Variants in GFI1B observed in about 807,000 individuals in gnomAD.
The protein encoded by GFI1B is zinc finger protein Gfi-1b.
GFI1B carries 20 observed loss-of-function variants against 35.3 expected under a neutral mutation model. That is an observed-to-expected ratio of 0.57 (90% CI 0.40 to 0.82). The LOEUF (loss-of-function observed/expected upper bound fraction) is 0.82, where lower values mean the gene tolerates loss of function less well. GFI1B is among the 40% of genes least tolerant of loss of function. GFI1B has a pLI of 0.00. For missense variants in GFI1B, 430 were observed against 446.3 expected (o/e 0.96, Z 0.33); for synonymous variants, 178 against 177.6 (o/e 1.00, Z -0.02).
intron 1 of GFI1B, among the ~76,000 whole-genome samples, chr9:132,956,725 A>G (rs542590297): frequency 5.9e-5 from 9 of 152,346 alleles, no homozygotes; most frequent in African/African-American, 1.7e-4. Context: ...GTTATTAGAA[A>G]CATAGAATTG....
At chr9:132,984,385 C>A (rs1264547074) in intron 1 of GFI1B, among the ~76,000 whole-genome samples, 3 of 152,118 alleles carry the variant, frequency 2.0e-5, no homozygotes, top group Non-Finnish European at 4.4e-5. Context: ...GAGATAAGGC[C>A]GTGGGCTGCC....
chr9:132,987,232 G>A (rs763482866), intron 2 of GFI1B, 50 bp from the exon 3 acceptor site: 17 of 1,597,326 alleles, frequency 1.1e-5, no homozygotes, highest in Admixed American at 7.0e-5. Flanking sequence ...CTCCCTCTGG[G>A]CTTCCCAGAA....
intron 1 of GFI1B, among the ~76,000 whole-genome samples, chr9:132,971,644 G>C (rs1027390999): frequency 6.6e-6 from 1 of 152,158 alleles, no homozygotes; most frequent in Non-Finnish European, 1.5e-5. Context: ...GACAGAAGGA[G>C]AGACAGAGAA....
At chr9:132,975,616 A>G (rs1002727909), upstream of GFI1B, among the ~76,000 whole-genome samples, 3 of 152,192 alleles carry the variant, frequency 2.0e-5, no homozygotes, top group South Asian at 6.2e-4. Flanking sequence ...AGGAATATGA[A>G]AAGTCCGGCT....
chr9:132,961,448 G>T (rs1006252406), intron 1 of GFI1B, among the ~76,000 whole-genome samples: 1 of 151,064 alleles, frequency 6.6e-6, no homozygotes, highest in African/African-American at 2.4e-5. Context: ...CAGAAAAAAG[G>T]CATAAATGGA....
Position 132,967,492 on chromosome 9 carries a change from C to A in GFI1B, c.-700-5233C>A, listed in dbSNP as rs182004198. Among the ~76,000 whole-genome samples the A allele has an allele frequency of 5.9e-5, 9 of 152,258 alleles. No homozygotes were observed. The East Asian group carries it at 1.7e-3, about 29-fold the overall frequency. On this transcript the variant is annotated intron_variant, in intron 1 of 10. Transcript: ENST00000339463. ...TAAAGGAAGCTAAAGACATAATACA[C>A]TCATGCAATGCTTGCAACTTGTCTG...
At chr9:132,983,685 G>A (rs1848917404) in intron 1 of GFI1B, among the ~76,000 whole-genome samples, 1 of 152,128 alleles carries the variant, frequency 6.6e-6, no homozygotes, top group African/African-American at 2.4e-5. Flanking sequence ...CCTGCAACCT[G>A]GGAAGACACT....
At chr9:132,951,683 A>G (rs1848205238) in intron 1 of GFI1B, 1 of 152,222 alleles carries the variant, frequency 6.6e-6, no homozygotes, top group Admixed American at 6.5e-5. Flanking sequence ...TCATAGCTGA[A>G]GGCTCTCTCT....
At position 132,989,199 on chromosome 9, in the gene GFI1B, G is replaced by A; in HGVS notation, c.648+1G>A. ...GCAGCACACGCACGTCCACTCCCAG[G>A]TGGGCACCTGGCCCAGCGCAGGACT... is the stretch of plus-strand genomic sequence containing the variant. On this transcript the variant is annotated splice_donor_variant, in intron 5 of 6. Transcript: ENST00000372122. LOFTEE classifies it high-confidence loss of function. This position sits in a 1 kb window ranked among gnomAD's most constrained non-coding sequence, Gnocchi z 6.2. 3 of 1,612,342 alleles carry A rather than the reference G, an allele frequency of 1.9e-6. No individual in the cohort carries two copies. The highest frequency in any genetic ancestry group is 2.5e-6 in the Non-Finnish European group (3 of 1,179,552).
intron 2 of GFI1B, 42 bp from the exon 3 acceptor site, chr9:132,987,240 G>A (rs1451507592): frequency 6.2e-7 from 1 of 1,605,900 alleles, no homozygotes; most frequent in African/African-American, 1.3e-5. Flanking sequence ...GGGCTTCCCA[G>A]AAACCGTGGC....
intron 1 of GFI1B, among the ~76,000 whole-genome samples, chr9:132,950,467 A>G (rs1054730155): frequency 1.3e-5 from 2 of 151,118 alleles, no homozygotes; most frequent in African/African-American, 4.9e-5. Flanking sequence ...GGTGGGATGG[A>G]TAAGAGGGCC....
chr9:132,965,013 T>C (rs1158858180), intron 1 of GFI1B, among the ~76,000 whole-genome samples: 3 of 152,308 alleles, frequency 2.0e-5, no homozygotes, highest in African/African-American at 7.2e-5. Flanking sequence ...TATGTACATA[T>C]CAATAATTTA....
At chr9:132,949,341 ATACACACACACACACAC>A in intron 1 of GFI1B, among the ~76,000 whole-genome samples, 1 of 150,950 alleles carries the variant, frequency 6.6e-6, no homozygotes, top group East Asian at 2.0e-4. Context: ...ACACACACAC[ATACACACACACACACAC>A]CCCCAACCCC....
chr9:132,980,615 C>T (rs1209297513), intron 1 of GFI1B, among the ~76,000 whole-genome samples: 1 of 152,204 alleles, frequency 6.6e-6, no homozygotes, highest in African/African-American at 2.4e-5. Flanking sequence ...CACCACCATC[C>T]ATCCACAGAA....
chr9:132,957,780 A>AT (rs369468076), intron 1 of GFI1B, among the ~76,000 whole-genome samples: 9 of 152,288 alleles, frequency 5.9e-5, no homozygotes, highest in African/African-American at 2.2e-4. Flanking sequence ...AATAACAAGA[A>AT]TGAGAAAGGC....
intron 1 of GFI1B, chr9:132,951,525 T>G (rs1848202456): frequency 6.6e-6 from 1 of 152,250 alleles, no homozygotes; most frequent in African/African-American, 2.4e-5. Flanking sequence ...GTGTAGCTCA[T>G]TGGAAAAGAG....
intron 1 of GFI1B, among the ~76,000 whole-genome samples, chr9:132,955,982 G>A (rs1015343645): frequency 6.6e-6 from 1 of 152,160 alleles, no homozygotes; most frequent in Non-Finnish European, 1.5e-5. Context: ...CTTGTGGGAG[G>A]TCAGTCTTTT....
At chr9:132,973,366 T>C (rs1848566808) in intron 2 of GFI1B, among the ~76,000 whole-genome samples, 1 of 152,102 alleles carries the variant, frequency 6.6e-6, no homozygotes, top group Non-Finnish European at 1.5e-5. Context: ...GCCTCAGCAG[T>C]GGTGGTTCCC....
chr9:132,986,764 C>T lies in GFI1B; in HGVS notation c.86C>T (p.Pro29Leu), dbSNP rs1143162. 2 of 1,610,062 alleles carry T rather than the reference C, an allele frequency of 1.2e-6. No individual in the cohort carries two copies. The highest frequency in any genetic ancestry group is 1.7e-6 in the Non-Finnish European group (2 of 1,177,606). The change falls in exon 2 of 7, where the codon CCT (proline) becomes CTT (leucine). Residue 29 changes from proline (P) to leucine (L), a missense_variant. Coordinates refer to ENST00000372122, the MANE Select transcript of GFI1B (RefSeq NM_001377304.1). ...CAGGAAGATGAACCGCTCTGGCCTC[C>T]TGCCCTTACCCCGGGTGAGTCAGAG... The part of the protein sequence containing the change: ...RVQEDEPLWP[P>L]ALTPVPRDQA...
Sources: allele counts gnomAD v4.1 joint callset (sites outside exome capture counted in the v4.1 genomes callset), GRCh38; gene constraint gnomAD v4.1.1; non-coding constraint Gnocchi (gnomAD v3.1); transcripts MANE v1.5; gene names NCBI Gene and HGNC (gene_info 2026-07-23, HGNC 2026-07-21).